The following CTNNA3 variants were observed in gnomAD, a reference collection of about 807,000 sequenced individuals.
CTNNA3 encodes catenin alpha-3.
Under a neutral mutation model 95.7 loss-of-function variants are expected in CTNNA3, and 76 were observed. The observed-to-expected ratio is 0.79, with a 90% confidence interval of 0.66 to 0.96. The LOEUF is 0.96. Among genes scored for constraint, CTNNA3 ranks in the 40% least tolerant of loss-of-function variants. The probability of loss-of-function intolerance (pLI) is 0.00; values close to 1 mark genes in which losing one functional copy is unlikely to be tolerated. For synonymous variants in CTNNA3, 431 were observed against 374.4 expected, an observed-to-expected ratio of 1.15 and a Z score of -1.74; for missense variants, 1,191 against 1,089.8, an observed-to-expected ratio of 1.09 and a Z score of -1.31.
At chr10:67,393,615 C>T (rs1270988147) in intron 5 of CTNNA3, among the ~76,000 whole-genome samples, 1 of 152,004 alleles carries the variant, frequency 6.6e-6, no homozygotes, top group African/African-American at 2.4e-5. Context: ...ATTTTAGGCC[C>T]TGTGAGTTTA....
In CTNNA3 at chr10:67,586,717, T is replaced by C. The variant is rs138299821; in HGVS notation, c.292+20140A>G. ...AGGTAAGTTTCTTATAAGCAGCATA[T>C]GCTTAGATCTTTTTTAAATTAATTC... is the stretch of plus-strand genomic sequence containing the variant. On this transcript the variant is annotated intron_variant, in intron 3 of 17. Transcript: ENST00000433211. Among the ~76,000 whole-genome samples the C allele has an allele frequency of 5.6e-4, 85 of 152,278 alleles. No individual in the cohort carries two copies. In the East Asian group the frequency reaches 0.013, roughly 23 times the overall value.
At chr10:66,547,488 G>T (rs539075388) in intron 10 of CTNNA3, among the ~76,000 whole-genome samples, 3 of 150,294 alleles carry the variant, frequency 2.0e-5, no homozygotes, top group Non-Finnish European at 3.0e-5. Context: ...GACTACAGGC[G>T]CCCGCCACCA....
chr10:66,358,795 C>T (rs560904526), intron 12 of CTNNA3, among the ~76,000 whole-genome samples: 1 of 152,262 alleles, frequency 6.6e-6, no homozygotes, highest in Admixed American at 6.5e-5. Context: ...CCAGGAAGAA[C>T]ATACTTTCTT....
At chr10:67,380,509 T>C (rs1843900332) in intron 5 of CTNNA3, among the ~76,000 whole-genome samples, 1 of 152,166 alleles carries the variant, frequency 6.6e-6, no homozygotes, top group Non-Finnish European at 1.5e-5. Context: ...TAAAATATCA[T>C]AGGTAATAGG....
chr10:67,627,486 T>C (rs753967228), intron 2 of CTNNA3, among the ~76,000 whole-genome samples: 3 of 152,226 alleles, frequency 2.0e-5, no homozygotes, highest in Non-Finnish European at 2.9e-5. Flanking sequence ...TAAATAGCTT[T>C]ATTTTCCATG....
chr10:67,407,076 G>A (rs1332157575), intron 5 of CTNNA3, among the ~76,000 whole-genome samples: 3 of 152,106 alleles, frequency 2.0e-5, no homozygotes, highest in Admixed American at 6.5e-5. Context: ...TATGAGGCCA[G>A]CATCATCCTG....
chr10:66,983,826 C>T (rs1850580924), intron 7 of CTNNA3, among the ~76,000 whole-genome samples: 1 of 152,104 alleles, frequency 6.6e-6, no homozygotes, highest in South Asian at 2.1e-4. Flanking sequence ...AAAAATGTAC[C>T]ATTCTAGGGT....
intron 1 of CTNNA3, among the ~76,000 whole-genome samples, chr10:67,682,048 C>T (rs1297503878): frequency 6.6e-6 from 1 of 151,758 alleles, no homozygotes; most frequent in Non-Finnish European, 1.5e-5. Flanking sequence ...ATCGCAGCTA[C>T]TCGGGAGGCT....
At chr10:66,135,864 T>A (rs909963690) in intron 13 of CTNNA3, among the ~76,000 whole-genome samples, 1 of 152,228 alleles carries the variant, frequency 6.6e-6, no homozygotes, top group Admixed American at 6.5e-5. Context: ...AATGCTTATA[T>A]AATATTTACA....
In CTNNA3 at chr10:67,219,634, G is replaced by A. The variant is rs1171905743; in HGVS notation, c.816C>T (p.Thr272=). Residue 272 remains threonine, a synonymous_variant, in exon 6 of 18, where the codon ACC becomes ACT. Coordinates refer to ENST00000433211, the MANE Select transcript of CTNNA3 (RefSeq NM_013266.4). ...CCAGCTCATCAAGGGCACTTCCCAG[G>A]GTTGCTGCCTGAGGTTCTGGTGGGG... The part of the protein sequence containing the change: ...MTTPPEPQAA[T]LGSALDELEN... The A allele has an allele frequency of 1.2e-6, 2 of 1,613,846 alleles. No homozygotes were observed. The highest frequency in any genetic ancestry group is 1.7e-5 in the Admixed American group (1 of 60,002).
At chr10:66,685,285 GTA>G (rs1554835151) in intron 9 of CTNNA3, among the ~76,000 whole-genome samples, 1 of 59,582 alleles carries the variant, frequency 1.7e-5, no homozygotes, top group Non-Finnish European at 2.9e-5. Flanking sequence ...GTATATATAA[GTA>G]TATATATGTG....
chr10:67,616,854 T>C (rs966763259), intron 2 of CTNNA3, among the ~76,000 whole-genome samples: 2 of 152,232 alleles, frequency 1.3e-5, no homozygotes, highest in Non-Finnish European at 2.9e-5. Flanking sequence ...GTTTTGCTGA[T>C]CTTACCAAAA....
chr10:67,498,580 T>C (rs918335383), intron 5 of CTNNA3, among the ~76,000 whole-genome samples: 1 of 152,216 alleles, frequency 6.6e-6, no homozygotes, highest in East Asian at 1.9e-4. Context: ...GAAATGTTTT[T>C]CCATTTGTTT....
chr10:66,441,432 C>A (rs1379261153), intron 11 of CTNNA3, among the ~76,000 whole-genome samples: 1 of 152,088 alleles, frequency 6.6e-6, no homozygotes, highest in East Asian at 1.9e-4. Context: ...ACAAATTTAG[C>A]AAGGTAAAAT....
intron 11 of CTNNA3, among the ~76,000 whole-genome samples, chr10:66,483,566 G>C (rs1565006982): frequency 6.6e-6 from 1 of 152,094 alleles, no homozygotes. Flanking sequence ...TGATAAAAGA[G>C]TAAAATTTTA....
chr10:66,781,499 C>T (rs573707615), intron 7 of CTNNA3, among the ~76,000 whole-genome samples: 24 of 152,172 alleles, frequency 1.6e-4, no homozygotes, highest in Middle Eastern at 3.4e-3. Context: ...TACTGAATGG[C>T]GTATCAGGAA....
At chr10:66,269,663 T>A (rs1017908802) in intron 13 of CTNNA3, among the ~76,000 whole-genome samples, 1 of 152,174 alleles carries the variant, frequency 6.6e-6, no homozygotes, top group African/African-American at 2.4e-5. Context: ...TTAGAGCTTA[T>A]AACACCAAGG....
At chr10:66,382,731 T>C (rs550444522) in intron 11 of CTNNA3, among the ~76,000 whole-genome samples, 1 of 152,122 alleles carries the variant, frequency 6.6e-6, no homozygotes, top group East Asian at 1.9e-4. Context: ...GGATGAAGCT[T>C]CCAGAGGAAG....
At chr10:67,066,104 T>C (rs1856058756) in intron 7 of CTNNA3, among the ~76,000 whole-genome samples, 1 of 151,894 alleles carries the variant, frequency 6.6e-6, no homozygotes, top group Non-Finnish European at 1.5e-5. Flanking sequence ...CTGGGGATCA[T>C]GAGGGAGCTG....
Sources: allele counts gnomAD v4.1 joint callset (sites outside exome capture counted in the v4.1 genomes callset), GRCh38; gene constraint gnomAD v4.1.1; transcripts MANE v1.5; gene names NCBI Gene and HGNC (gene_info 2026-07-23, HGNC 2026-07-21).